CASP9: variants seen among roughly 807,000 people sequenced by gnomAD.
CASP9 encodes caspase 9, also known as caspase-9.
In CASP9, 29 loss-of-function variants were observed where a neutral mutation model predicts 43.5. The observed-to-expected ratio is 0.67, with a 90% CI of 0.50 to 0.91. The LOEUF (loss-of-function observed/expected upper bound fraction) is 0.91, where lower values mean the gene tolerates loss of function less well. Ranked by LOEUF, CASP9 falls within the 40% of genes least tolerant of loss-of-function variation. CASP9 has a pLI of 0.00. For synonymous variants in CASP9, 206 were observed against 211.9 expected, an observed-to-expected ratio of 0.97 and a Z score of 0.24; for missense variants, 575 against 537.4, an observed-to-expected ratio of 1.07 and a Z score of -0.69.
At chr1:15,511,667 G>C (rs915412618) in intron 2 of CASP9, among the ~76,000 whole-genome samples, 1 of 152,218 alleles carries the variant, frequency 6.6e-6, no homozygotes, top group Non-Finnish European at 1.5e-5. Context: ...GCCTCCCCAA[G>C]TGCTGGGATC....
At chr1:15,493,745 T>G (rs1708982651) in intron 8 of CASP9, 147 bp downstream of exon 8, 1 of 1,519,642 alleles carries the variant, frequency 6.6e-7, no homozygotes, top group Non-Finnish European at 8.8e-7. Flanking sequence ...GACACAAAAG[T>G]GCCGACTCCA....
intron 6 of CASP9, 101 bp downstream of exon 6, chr1:15,504,510 A>G: frequency 2.4e-6 from 3 of 1,246,338 alleles, no homozygotes; most frequent in Non-Finnish European, 3.3e-6. Flanking sequence ...GACTGCCTGG[A>G]GAGACCTCAT....
intron 6 of CASP9, among the ~76,000 whole-genome samples, chr1:15,497,657 A>AT (rs61225523): frequency 0.025 from 3,743 of 150,676 alleles, 147 homozygotes; most frequent in African/African-American, 0.087. Flanking sequence ...AAAAAAAAAA[A>AT]AGATATAAAT....
At chr1:15,497,114 AGCCT>A (rs1709129450) in intron 6 of CASP9, among the ~76,000 whole-genome samples, 1 of 151,244 alleles carries the variant, frequency 6.6e-6, no homozygotes, top group Non-Finnish European at 1.5e-5. Flanking sequence ...GTTTGAAACA[AGCCT>A]GGCCAACATG....
At chr1:15,508,569 T>C (rs1477589255) in intron 2 of CASP9, among the ~76,000 whole-genome samples, 1 of 152,058 alleles carries the variant, frequency 6.6e-6, no homozygotes, top group Non-Finnish European at 1.5e-5. Context: ...CCCACCACCA[T>C]GCCCGGCTAA....
At chr1:15,514,072 G>A (rs141094769) in intron 2 of CASP9, among the ~76,000 whole-genome samples, 1 of 152,310 alleles carries the variant, frequency 6.6e-6, no homozygotes, top group African/African-American at 2.4e-5. Context: ...TATGAGTGCA[G>A]TGTGTGTACT....
intron 2 of CASP9, among the ~76,000 whole-genome samples, chr1:15,512,645 T>C (rs1709798892): frequency 1.3e-5 from 2 of 152,252 alleles, no homozygotes; most frequent in Admixed American, 6.5e-5. Context: ...CTGTTCCTTG[T>C]AATAAATATG....
rs372604929 is a variant in CASP9 at position 15,492,997 on chromosome 1, C to A, written c.1197G>T (p.Gln399His). ...NAVSVKGIYK[Q>H]MPGCFNFLRK... is the part of the protein sequence containing the mutation. ...GGAGGAAATTAAAGCAACCAGGCAT[C>A]TGTTTATAAATCCCTTTCACCGAAA... The change falls in exon 9 of 9, where the codon CAG (glutamine) becomes CAT (histidine). Residue 399 changes from glutamine to histidine, a missense_variant. Gln to His is a conservative substitution (Grantham distance 24). Transcript: ENST00000333868. The A allele has an allele frequency of 6.2e-6, 10 of 1,614,062 alleles. No individual in the cohort carries two copies. Among genetic ancestry groups the A allele is most frequent in the Non-Finnish European group, 8.5e-6 (10 of 1,180,024 alleles).
chr1:15,501,202 G>A (rs986789122), intron 6 of CASP9, among the ~76,000 whole-genome samples: 1 of 152,130 alleles, frequency 6.6e-6, no homozygotes, highest in Non-Finnish European at 1.5e-5. Flanking sequence ...CCAAAGAGGG[G>A]TCACCCCAAA....
At chr1:15,499,544 A>C (rs1195855813) in intron 6 of CASP9, among the ~76,000 whole-genome samples, 2 of 152,234 alleles carry the variant, frequency 1.3e-5, no homozygotes, top group Non-Finnish European at 2.9e-5. Context: ...TACACCTTCT[A>C]ATCCAGTAAT....
chr1:15,509,460 C>CAAAAA (rs563284288), intron 2 of CASP9, among the ~76,000 whole-genome samples: 9 of 105,652 alleles, frequency 8.5e-5, no homozygotes, highest in South Asian at 3.4e-4. Flanking sequence ...ACTAAAAATA[C>CAAAAA]AAAAAAAAAA....
At position 15,523,568 on chromosome 1, in the gene CASP9, C is replaced by T. The variant is rs139849763; in HGVS notation, c.132+501G>A. 1.1e-3 allele frequency among the ~76,000 whole-genome samples: 174 copies of T among 152,168 alleles called. No homozygotes were observed. The Middle Eastern group carries it at 0.014, about 12-fold the overall frequency. On this transcript the variant is annotated intron_variant, in intron 1 of 8. Transcript: ENST00000333868. ...AGTGACCTAAATCTTGCTTAAACTG[C>T]AAACATAAGCAAAATTTAACTTGGG...
intron 6 of CASP9, among the ~76,000 whole-genome samples, chr1:15,501,832 T>G (rs1709343586): frequency 6.6e-6 from 1 of 152,122 alleles, no homozygotes; most frequent in Non-Finnish European, 1.5e-5. Flanking sequence ...AGTGCAATAG[T>G]GTAAACATGG....
chr1:15,514,075 T>C (rs1390445270), intron 2 of CASP9, among the ~76,000 whole-genome samples: 1 of 152,204 alleles, frequency 6.6e-6, no homozygotes, highest in African/African-American at 2.4e-5. Context: ...GAGTGCAGTG[T>C]GTGTACTCAG....
At chr1:15,515,246 T>C (rs1244103689) in intron 2 of CASP9, among the ~76,000 whole-genome samples, 2 of 152,176 alleles carry the variant, frequency 1.3e-5, no homozygotes, top group South Asian at 4.1e-4. Flanking sequence ...CTTTACAGGA[T>C]GGTAATGCAC....
At chr1:15,511,790 G>A (rs1709765344) in intron 2 of CASP9, among the ~76,000 whole-genome samples, 1 of 152,214 alleles carries the variant, frequency 6.6e-6, no homozygotes, top group South Asian at 2.1e-4. Flanking sequence ...AGCTGGCTGG[G>A]TCACAGGGTG....
intron 4 of CASP9, 21 bp downstream of exon 4, chr1:15,506,878 C>A: frequency 6.3e-7 from 1 of 1,596,280 alleles, no homozygotes; most frequent in South Asian, 1.1e-5. Context: ...CCCTGTCTCC[C>A]TCCACAGATA....
At chr1:15,524,386 T>G (rs546164553), upstream of CASP9, 516 of 1,342,262 alleles carry the variant, frequency 3.8e-4, 3 homozygotes, top group African/African-American at 8.2e-3. Context: ...GGAGTCGCTC[T>G]TGCGTCACCG....
rs6685218 is a variant in CASP9 at position 15,492,871 on chromosome 1, C to T, written c.*72G>A. ...TCCTTGAGTTGCAGGAAAGTCCAGG[C>T]CTCAGCCTCTTTCAGGCCTGGGGCA... On this transcript the variant is annotated 3_prime_UTR_variant, in exon 9 of 9. Transcript: ENST00000333868. 1.7e-4 allele frequency: 277 copies of T among 1,592,628 alleles called. 3 individuals are homozygous for T. In the African/African-American group the frequency reaches 3.4e-3, roughly 20 times the overall value.
Sources: allele counts gnomAD v4.1 joint callset (sites outside exome capture counted in the v4.1 genomes callset), GRCh38; gene constraint gnomAD v4.1.1; transcripts MANE v1.5; gene names NCBI Gene and HGNC (gene_info 2026-07-23, HGNC 2026-07-21).